Variants in CNST observed in about 807,000 individuals in gnomAD.
CNST encodes the protein consortin.
CNST carries 39 observed loss-of-function variants against 72.4 expected under a neutral mutation model. The ratio of observed to expected loss-of-function variants is 0.54; its 90% CI spans 0.42 to 0.70. CNST has a LOEUF of 0.70. CNST is among the 30% of genes least tolerant of loss of function. CNST has a pLI of 0.00. For missense variants in CNST, 871 were observed against 868.5 expected (o/e 1.00, Z -0.04); for synonymous variants, 332 against 320.1 (o/e 1.04, Z -0.40).
At chr1:246,591,982 TA>T in intron 2 of CNST, 41 bp downstream of exon 2, 2 of 1,480,800 alleles carry the variant, frequency 1.4e-6, no homozygotes, top group South Asian at 1.3e-5. Context: ...TTTAATTAAT[TA>T]AAAATGAACC....
intron 9 of CNST, among the ~76,000 whole-genome samples, chr1:246,659,512 A>G (rs372443034): frequency 1.3e-3 from 205 of 152,062 alleles, no homozygotes; most frequent in African/African-American, 3.0e-3. Context: ...GGAGAACGGC[A>G]TGAACCCGGG....
At chr1:246,623,103 C>T (rs950949101) in intron 3 of CNST, among the ~76,000 whole-genome samples, 7 of 152,126 alleles carry the variant, frequency 4.6e-5, no homozygotes, top group African/African-American at 7.2e-5. Context: ...GATTAACAGG[C>T]GCGAGCCGCT....
At chr1:246,633,784 T>C (rs968491432) in intron 4 of CNST, 140 bp from the exon 5 acceptor site, 5 of 556,898 alleles carry the variant, frequency 9.0e-6, no homozygotes, top group Non-Finnish European at 1.3e-5. Flanking sequence ...ACTTTAGATA[T>C]GTTTAAATTT....
chr1:246,653,455 GA>G (rs1312404503), intron 9 of CNST, among the ~76,000 whole-genome samples: 1 of 152,184 alleles, frequency 6.6e-6, no homozygotes, highest in African/African-American at 2.4e-5. Context: ...GTTCTGCCCA[GA>G]ATGGCTCTTT....
At chr1:246,652,815 T>C (rs570028179) in intron 9 of CNST, among the ~76,000 whole-genome samples, 155 of 150,690 alleles carry the variant, frequency 1.0e-3, no homozygotes, top group Middle Eastern at 3.4e-3. Flanking sequence ...CCATCCTGGC[T>C]AACACGGTGA....
rs748543363 is a variant in CNST, at chr1:246,621,407, G to A, written c.380-22G>A. 3 of 1,537,662 alleles carry A rather than the reference G, an allele frequency of 2.0e-6. No individual in the cohort carries two copies. In the South Asian group the frequency reaches 3.4e-5, roughly 17 times the overall value. On this transcript the variant is annotated intron_variant, in intron 2 of 10. Coordinates refer to ENST00000366513, the MANE Select transcript of CNST (RefSeq NM_152609.3). ...ATCATGGGAATTGATCCTAACATAGGCATTTTCTTTACTTCTTAAAGGACT... is the reference window on the plus strand; with the variant it reads ...ATCATGGGAATTGATCCTAACATAGACATTTTCTTTACTTCTTAAAGGACT...
chr1:246,578,922 A>G lies in CNST; in HGVS notation c.-52+12259A>G, dbSNP rs182038241. 4.2e-3 allele frequency among the ~76,000 whole-genome samples: 644 copies of G among 152,224 alleles called. 1 individual carries two copies. Among genetic ancestry groups the G allele is most frequent in the Admixed American group, 0.012 (181 of 15,284 alleles). On this transcript the variant is annotated intron_variant, in intron 1 of 10. Coordinates refer to ENST00000366513, the MANE Select transcript of CNST (RefSeq NM_152609.3). ...AGTTGCTTTACCTATTAGTGCTTCA[A>G]ATTGCTTGTCTGTAAAATGCTAGTG...
intron 2 of CNST, among the ~76,000 whole-genome samples, chr1:246,598,139 G>A (rs918717981): frequency 3.4e-5 from 5 of 144,944 alleles, no homozygotes; most frequent in East Asian, 4.2e-4. Flanking sequence ...ATGCCGCTGC[G>A]CTCAGCTGAA....
intron 9 of CNST, among the ~76,000 whole-genome samples, chr1:246,652,983 T>C (rs373892743): frequency 2.7e-5 from 4 of 150,296 alleles, no homozygotes; most frequent in Non-Finnish European, 5.9e-5. Flanking sequence ...CAGCCTGGGC[T>C]ACAGAGTGAG....
chr1:246,629,338 G>T (rs1200867953), intron 3 of CNST, among the ~76,000 whole-genome samples: 1 of 152,158 alleles, frequency 6.6e-6, no homozygotes, highest in Non-Finnish European at 1.5e-5. Flanking sequence ...TTGCAAGGGG[G>T]AGATTTTTAA....
chr1:246,602,978 A>G (rs1662411609), intron 2 of CNST, among the ~76,000 whole-genome samples: 1 of 152,130 alleles, frequency 6.6e-6, no homozygotes, highest in Non-Finnish European at 1.5e-5. Context: ...AAGAATTACA[A>G]TCAATCAAAC....
At chr1:246,659,325 T>C (rs933191416) in intron 9 of CNST, among the ~76,000 whole-genome samples, 1 of 152,170 alleles carries the variant, frequency 6.6e-6, no homozygotes. Flanking sequence ...CCGGGTGCGG[T>C]GGCTCACACC....
At chr1:246,592,023 C>G (rs1166101765) in intron 2 of CNST, 82 bp downstream of exon 2, 1 of 1,099,392 alleles carries the variant, frequency 9.1e-7, no homozygotes, top group Non-Finnish European at 1.3e-6. Context: ...GTTTACTGTC[C>G]TGCACCTTGC....
chr1:246,605,044 G>A (rs567209970), intron 2 of CNST, among the ~76,000 whole-genome samples: 5 of 152,098 alleles, frequency 3.3e-5, no homozygotes, highest in African/African-American at 4.8e-5. Flanking sequence ...TCAGACATAC[G>A]AGAAAATCAT....
At chr1:246,615,967 G>A (rs1394731988) in intron 2 of CNST, among the ~76,000 whole-genome samples, 2 of 152,052 alleles carry the variant, frequency 1.3e-5, no homozygotes, top group Non-Finnish European at 2.9e-5. Context: ...AAGTTGACAG[G>A]TCTTAAATTA....
intron 1 of CNST, among the ~76,000 whole-genome samples, chr1:246,583,440 A>T (rs1413212815): frequency 6.6e-6 from 1 of 152,246 alleles, no homozygotes; most frequent in African/African-American, 2.4e-5. Context: ...GAGGAATGTT[A>T]GGGCAGGGTT....
chr1:246,590,794 T>C (rs565970007), intron 1 of CNST, among the ~76,000 whole-genome samples: 83 of 151,490 alleles, frequency 5.5e-4, no homozygotes, highest in Non-Finnish European at 9.6e-4. Context: ...ATTAGTGGTA[T>C]CCTTCAAGCA....
chr1:246,628,457 C>T (rs1664583183), intron 3 of CNST, among the ~76,000 whole-genome samples: 1 of 152,050 alleles, frequency 6.6e-6, no homozygotes, highest in Non-Finnish European at 1.5e-5. Flanking sequence ...GTGCTAAAGG[C>T]CAATGGAAAT....
intron 3 of CNST, among the ~76,000 whole-genome samples, chr1:246,626,008 C>A (rs1664407699): frequency 6.6e-6 from 1 of 151,804 alleles, no homozygotes. Context: ...TTGGCTTTTA[C>A]CTCTTACATC....
Sources: allele counts gnomAD v4.1 joint callset (sites outside exome capture counted in the v4.1 genomes callset), GRCh38; gene constraint gnomAD v4.1.1; transcripts MANE v1.5; gene names NCBI Gene and HGNC (gene_info 2026-07-23, HGNC 2026-07-21).